The following DIAPH3 variants were observed in gnomAD, a reference collection of about 807,000 sequenced individuals.
DIAPH3 encodes protein diaphanous homolog 3.
DIAPH3 carries 117 observed loss-of-function variants against 144.3 expected under a neutral mutation model. That is an observed-to-expected ratio of 0.81 (90% CI 0.70 to 0.95). DIAPH3 has a LOEUF of 0.95. Ranked by LOEUF, DIAPH3 falls within the 40% of genes least tolerant of loss-of-function variation. The pLI is 0.00. For missense variants in DIAPH3, 1,421 were observed against 1,412.7 expected (o/e 1.01, Z -0.09); for synonymous variants, 519 against 488.9 (o/e 1.06, Z -0.81).
intron 4 of DIAPH3, among the ~76,000 whole-genome samples, chr13:60,044,757 C>G (rs1408195795): frequency 1.3e-5 from 2 of 152,090 alleles, no homozygotes; most frequent in African/African-American, 4.8e-5. Context: ...GCTGTGTCCC[C>G]ACCCAAATCC....
chr13:59,959,580 C>G (rs1026973711), intron 17 of DIAPH3, among the ~76,000 whole-genome samples: 1 of 152,066 alleles, frequency 6.6e-6, no homozygotes, highest in African/African-American at 2.4e-5. Flanking sequence ...GGAAGCCAGG[C>G]GAGAGAGATC....
chr13:60,121,903 T>C (rs1156565808), intron 2 of DIAPH3, among the ~76,000 whole-genome samples: 1 of 152,160 alleles, frequency 6.6e-6, no homozygotes, highest in African/African-American at 2.4e-5. Context: ...CTTCTCTCTG[T>C]CTCTACTGTC....
At chr13:59,698,158 T>A (rs1195228936) in intron 27 of DIAPH3, among the ~76,000 whole-genome samples, 3 of 152,224 alleles carry the variant, frequency 2.0e-5, no homozygotes, top group African/African-American at 7.2e-5. Flanking sequence ...CAATGATCTG[T>A]CTTCTCTCTC....
At position 59,861,400 on chromosome 13, in the gene DIAPH3, C is replaced by T. The variant is rs559371509; in HGVS notation, c.2737+7G>A. The T allele has an allele frequency of 1.7e-4, 267 of 1,613,624 alleles. 3 individuals are homozygous for T. The South Asian group carries it at 2.9e-3, about 17-fold the overall frequency. ...AGCCATGAAATGTTTCTTAAAAAGG[C>T]ACAAACCTTTACTAGCTTTGTCTAA... On this transcript the variant is annotated splice_region_variant and intron_variant, in intron 22 of 27. Coordinates refer to ENST00000400324, the MANE Select transcript of DIAPH3 (RefSeq NM_001042517.2).
At chr13:59,857,099 C>T (rs947867245) in intron 22 of DIAPH3, among the ~76,000 whole-genome samples, 1 of 152,128 alleles carries the variant, frequency 6.6e-6, no homozygotes, top group Non-Finnish European at 1.5e-5. Flanking sequence ...ATAACTAATA[C>T]TGATTATTCA....
intron 17 of DIAPH3, among the ~76,000 whole-genome samples, chr13:59,965,052 A>G (rs1335750964): frequency 6.6e-6 from 1 of 152,172 alleles, no homozygotes; most frequent in Non-Finnish European, 1.5e-5. Context: ...TGTATAGAGG[A>G]ATAAATTATG....
chr13:60,124,435 A>G (rs1459903871), intron 2 of DIAPH3, among the ~76,000 whole-genome samples: 3 of 152,160 alleles, frequency 2.0e-5, no homozygotes, highest in East Asian at 1.9e-4. Flanking sequence ...TCTCAGTCCA[A>G]CACCTCACTA....
intron 1 of DIAPH3, among the ~76,000 whole-genome samples, chr13:60,157,274 A>G (rs1167498832): frequency 1.3e-5 from 2 of 152,130 alleles, no homozygotes; most frequent in East Asian, 3.9e-4. Context: ...TGCCATATGT[A>G]GCGCAGTACA....
chr13:60,142,943 C>T (rs936029108), intron 1 of DIAPH3, among the ~76,000 whole-genome samples: 4 of 150,646 alleles, frequency 2.7e-5, no homozygotes, highest in South Asian at 4.2e-4. Context: ...TTATAGACGG[C>T]GGTCCCACTA....
intron 17 of DIAPH3, among the ~76,000 whole-genome samples, chr13:59,956,573 CATGGAGAGCCTCTGCTAGGGCAG>C (rs2049418626): frequency 6.6e-6 from 1 of 152,234 alleles, no homozygotes; most frequent in African/African-American, 2.4e-5. Context: ...GCAAAGCCCT[CATGGAGAGCCTCTGCTAGGGCAG>C]TGTGGAAGGG....
intron 27 of DIAPH3, among the ~76,000 whole-genome samples, chr13:59,722,836 G>A (rs962846360): frequency 6.6e-6 from 1 of 152,080 alleles, no homozygotes; most frequent in Non-Finnish European, 1.5e-5. Context: ...CTGTGTTAGG[G>A]CTTCACATGT....
intron 17 of DIAPH3, 99 bp downstream of exon 17, chr13:59,969,845 C>T: frequency 1.4e-6 from 1 of 733,956 alleles, no homozygotes; most frequent in East Asian, 2.9e-5. Context: ...ATAACATGTA[C>T]AGGATTCATA....
intron 3 of DIAPH3, among the ~76,000 whole-genome samples, chr13:60,102,621 G>C (rs1313851288): frequency 6.6e-6 from 1 of 152,118 alleles, no homozygotes; most frequent in Non-Finnish European, 1.5e-5. Flanking sequence ...TCAGATAACA[G>C]TTACGGGAAT....
chr13:59,945,270 C>T (rs1463557135), intron 17 of DIAPH3, among the ~76,000 whole-genome samples: 1 of 152,124 alleles, frequency 6.6e-6, no homozygotes, highest in Non-Finnish European at 1.5e-5. Context: ...CCTCATCATA[C>T]CTTGCTCATT....
chr13:59,855,193 T>C (rs1478805913), intron 22 of DIAPH3, among the ~76,000 whole-genome samples: 1 of 152,140 alleles, frequency 6.6e-6, no homozygotes, highest in Non-Finnish European at 1.5e-5. Context: ...TCATGCCAAC[T>C]CTATACAGAT....
intron 27 of DIAPH3, among the ~76,000 whole-genome samples, chr13:59,692,926 C>G (rs908423421): frequency 1.3e-5 from 2 of 152,102 alleles, no homozygotes; most frequent in African/African-American, 4.8e-5. Flanking sequence ...ATTCTATTGG[C>G]AAAGGCAGGC....
At chr13:60,041,130 CAAATATATTTTTAAATGAACAT>C (rs2141184693) in intron 5 of DIAPH3, among the ~76,000 whole-genome samples, 1 of 33,340 alleles carries the variant, frequency 3.0e-5, no homozygotes, top group Admixed American at 3.8e-4. Flanking sequence ...TGAACCTGGA[CAAATATATTTTTAAATGAACAT>C]ATTCTACAGG....
At chr13:60,088,615 T>G (rs2057829578) in intron 4 of DIAPH3, among the ~76,000 whole-genome samples, 2 of 151,986 alleles carry the variant, frequency 1.3e-5, no homozygotes, top group South Asian at 4.2e-4. Flanking sequence ...GTATAATGTA[T>G]GTTTATTTTT....
At chr13:60,152,517 CTAAAAAAATCAAAATTGAATT>C (rs1951834849) in intron 1 of DIAPH3, among the ~76,000 whole-genome samples, 4 of 145,706 alleles carry the variant, frequency 2.7e-5, no homozygotes, top group South Asian at 4.3e-4. Context: ...AATTGGAACC[CTAAAAAAATCAAAATTGAATT>C]TAAAAAAATC....
Sources: allele counts gnomAD v4.1 joint callset (sites outside exome capture counted in the v4.1 genomes callset), GRCh38; gene constraint gnomAD v4.1.1; transcripts MANE v1.5; gene names NCBI Gene and HGNC (gene_info 2026-07-23, HGNC 2026-07-21).